Variants in MCM7 observed in about 807,000 individuals in gnomAD.
MCM7 encodes the protein minichromosome maintenance complex component 7.
In MCM7, 95 loss-of-function variants were observed where a neutral mutation model predicts 83.5. The observed-to-expected ratio is 1.14, with a 90% CI of 0.96 to 1.35. The LOEUF is 1.35. MCM7 is among the 40% of genes most tolerant of loss of function. The pLI, the probability that MCM7 is intolerant of heterozygous loss-of-function variation, is 0.00. For synonymous variants in MCM7, 461 were observed against 352.7 expected, an observed-to-expected ratio of 1.31 and a Z score of -3.44; for missense variants, 1,087 against 957.4, an observed-to-expected ratio of 1.14 and a Z score of -1.79.
chr7:100,098,427 CCCCTT>C, intron 6 of MCM7, 137 bp from the exon 7 acceptor site: 1 of 1,486,360 alleles, frequency 6.7e-7, no homozygotes, highest in Non-Finnish European at 9.2e-7. Flanking sequence ...GACCTCCTTT[CCCCTT>C]CCCAAGGCTC....
At chr7:100,099,840 TCAGCACAGGCTCTGGG>T (rs1795856292) in intron 2 of MCM7, 87 bp from the exon 3 acceptor site, 2 of 1,556,666 alleles carry the variant, frequency 1.3e-6, no homozygotes, top group Admixed American at 3.5e-5. Flanking sequence ...CACTGAGAAC[TCAGCACAGGCTCTGGG>T]CATCCACAGG....
At chr7:100,100,587 C>A (rs1350198698) in intron 1 of MCM7, 1 of 990,662 alleles carries the variant, frequency 1.0e-6, no homozygotes, top group Non-Finnish European at 1.2e-6. Flanking sequence ...GATTCCTCCG[C>A]CCAGGGCGGG....
intron 10 of MCM7, among the ~76,000 whole-genome samples, chr7:100,097,055 A>C (rs547958079): frequency 2.0e-5 from 3 of 152,176 alleles, no homozygotes; most frequent in Non-Finnish European, 4.4e-5. Context: ...GAACCGAGAT[A>C]GCGCCACTGC....
chr7:100,095,828 CG>C lies in MCM7; in HGVS notation c.1540del (p.Arg514GlyfsTer7). ...CTGAATCAGCCAGAGGAGGTCAAAC[CG>C]GGAGAGCAGTGCAGCAGGTAGCTGT... ...NIQLPAALLS[R>X]FDLLWLIQDR... On this transcript the variant is annotated frameshift_variant, in exon 11 of 15. Coordinates refer to ENST00000303887, the MANE Select transcript of MCM7 (RefSeq NM_005916.5). LOFTEE classifies it high-confidence loss of function. The C allele has an allele frequency of 6.2e-7, 1 of 1,607,570 alleles. No homozygotes were observed. Among genetic ancestry groups the C allele is most frequent in the African/African-American group, 1.3e-5 (1 of 74,982 alleles).
chr7:100,097,199 T>C lies in MCM7; in HGVS notation c.1201+102A>G, dbSNP rs1200088433. On this transcript the variant is annotated intron_variant, in intron 10 of 14. Coordinates refer to ENST00000303887, the MANE Select transcript of MCM7 (RefSeq NM_005916.5). ...TCTCCTGCCTCAGCCTCTCAGAGCATTGGGATTACAGGCGTGAGCAAACAT... is the reference window on the plus strand; with the variant it reads ...TCTCCTGCCTCAGCCTCTCAGAGCACTGGGATTACAGGCGTGAGCAAACAT... The C allele has an allele frequency of 2.6e-5, 26 of 986,130 alleles. No homozygotes were observed. In the East Asian group the frequency reaches 2.8e-4, roughly 11 times the overall value. The allele number at this position is 986,130 out of a possible 1,614,324, so 61.1% of individuals were successfully genotyped here.
chr7:100,098,919 G>A (rs1352211250), intron 5 of MCM7, 104 bp downstream of exon 5: 3 of 1,494,808 alleles, frequency 2.0e-6, no homozygotes, highest in South Asian at 1.2e-5. Flanking sequence ...GAACACACAG[G>A]CAACTTTTAC....
intron 13 of MCM7, 139 bp from the exon 14 acceptor site, chr7:100,093,540 C>T: frequency 1.2e-6 from 1 of 825,872 alleles, no homozygotes; most frequent in Non-Finnish European, 2.2e-6. Context: ...TCCCCCCTCC[C>T]CCCAGCATCC....
At chr7:100,100,143 T>C (rs1562900218) in intron 1 of MCM7, 50 bp from the exon 2 acceptor site, 2 of 1,601,260 alleles carry the variant, frequency 1.2e-6, no homozygotes, top group Admixed American at 1.7e-5. Context: ...AGACAAATCT[T>C]AGATACCCAT....
Position 100,099,418 on chromosome 7 carries a change from C to CAAAAAAAAAAAAA in MCM7, c.277-28_277-16dup, listed in dbSNP as rs749189763. 4,578 of 1,299,070 alleles carry CAAAAAAAAAAAAA rather than the reference C, an allele frequency of 3.5e-3. 45 individuals carry two copies. The highest frequency in any genetic ancestry group is 7.4e-3 in the Admixed American group (224 of 30,206). 80.5% of individuals were successfully genotyped at this position (1,299,070 alleles called of 1,614,324 possible). On this transcript the variant is annotated splice_polypyrimidine_tract_variant and intron_variant, in intron 3 of 14. Transcript: ENST00000303887. ...TTATTTACCACCTAAAGGAGAAGAACAAAAAAAAAAAAAAAAAAGAGCAAC... is the reference window on the plus strand; with the variant it reads ...TTATTTACCACCTAAAGGAGAAGAACAAAAAAAAAAAAAAAAAAAAAAAAAAAAAAAGAGCAAC...
chr7:100,094,534 G>GC (rs1209326449), intron 12 of MCM7, among the ~76,000 whole-genome samples, 193 bp from the exon 13 acceptor site: 14 of 152,162 alleles, frequency 9.2e-5, no homozygotes, highest in African/African-American at 1.9e-4. Context: ...CAAACGTATA[G>GC]CCCCCACCAG....
At chr7:100,098,871 T>C (rs1802376803) in intron 5 of MCM7, 152 bp downstream of exon 5, 5 of 1,331,164 alleles carry the variant, frequency 3.8e-6, no homozygotes, top group African/African-American at 1.5e-5. Context: ...ACCCAGAAAA[T>C]AGGTAGAAAG....
At chr7:100,100,977 T>C in intron 1 of MCM7, 1 of 944,908 alleles carries the variant, frequency 1.1e-6, no homozygotes, top group Non-Finnish European at 1.5e-6. Flanking sequence ...TGGGCGCGAC[T>C]TTTCCCTGTG....
rs767601005 is a variant in MCM7, at chr7:100,097,812, C to T, written c.985+22G>A. The T allele has an allele frequency of 6.2e-6, 10 of 1,613,896 alleles. No homozygotes were observed. In the Admixed American group the frequency reaches 1.7e-4, roughly 27 times the overall value. On this transcript the variant is annotated intron_variant, in intron 8 of 14. Coordinates refer to ENST00000303887, the MANE Select transcript of MCM7 (RefSeq NM_005916.5). Reference sequence around the variant, plus strand: ...GGAGCTAGGATGTAAACGGAATTTCCTCTCTCTCCCCTGCCCCTCACCTGC... The same window carrying T: ...GGAGCTAGGATGTAAACGGAATTTCTTCTCTCTCCCCTGCCCCTCACCTGC...
At chr7:100,096,599 A>G (rs1295567430) in intron 10 of MCM7, among the ~76,000 whole-genome samples, 1 of 151,990 alleles carries the variant, frequency 6.6e-6, no homozygotes, top group Non-Finnish European at 1.5e-5. Flanking sequence ...AACACAGTAA[A>G]CCCTGTCTCT....
chr7:100,100,551 C>A, intron 1 of MCM7: 2 of 992,814 alleles, frequency 2.0e-6, no homozygotes, highest in Non-Finnish European at 2.4e-6. Flanking sequence ...CACATGGGCC[C>A]GGATTCCAGC....
At chr7:100,100,163 A>G (rs1460265501) in intron 1 of MCM7, 70 bp from the exon 2 acceptor site, 4 of 1,582,520 alleles carry the variant, frequency 2.5e-6, no homozygotes, top group Non-Finnish European at 1.7e-6. Flanking sequence ...TTTTCGCTTA[A>G]AACACGACCT....
At chr7:100,094,069 G>T in intron 13 of MCM7, 104 bp downstream of exon 13, 2 of 1,436,816 alleles carry the variant, frequency 1.4e-6, no homozygotes, top group Non-Finnish European at 2.0e-6. Flanking sequence ...CTTTAGCCCC[G>T]GCAGGGCTGG....
At chr7:100,098,942 C>G in intron 5 of MCM7, 81 bp downstream of exon 5, 1 of 1,565,474 alleles carries the variant, frequency 6.4e-7, no homozygotes, top group Non-Finnish European at 8.7e-7. Flanking sequence ...CCAAATAAAA[C>G]AATAGGCATC....
intron 10 of MCM7, 89 bp from the exon 11 acceptor site, chr7:100,096,256 C>G: frequency 7.5e-7 from 1 of 1,338,012 alleles, no homozygotes; most frequent in South Asian, 1.5e-5. Flanking sequence ...GAGGCGAGGC[C>G]TGCGCTGGGA....
Sources: allele counts gnomAD v4.1 joint callset (sites outside exome capture counted in the v4.1 genomes callset), GRCh38; gene constraint gnomAD v4.1.1; transcripts MANE v1.5; gene names NCBI Gene and HGNC (gene_info 2026-07-23, HGNC 2026-07-21).